Variants in CFAP44 observed in about 807,000 individuals in gnomAD.
The protein encoded by CFAP44 is cilia and flagella associated protein 44, also known as cilia- and flagella-associated protein 44.
A neutral mutation model predicts 216.2 loss-of-function variants in CFAP44; 134 were observed. The observed-to-expected ratio is 0.62, with a 90% CI of 0.54 to 0.72. The LOEUF is 0.72. Among genes scored for constraint, CFAP44 ranks in the 30% least tolerant of loss-of-function variants. The probability of loss-of-function intolerance (pLI) is 0.00; values close to 1 mark genes in which losing one functional copy is unlikely to be tolerated. For synonymous variants in CFAP44, 700 were observed against 727.6 expected, an observed-to-expected ratio of 0.96 and a Z score of 0.61; for missense variants, 2,035 against 2,182.1, an observed-to-expected ratio of 0.93 and a Z score of 1.34.
chr3:113,356,839 C>CA (rs1950496116), intron 22 of CFAP44, among the ~76,000 whole-genome samples: 2 of 152,056 alleles, frequency 1.3e-5, no homozygotes, highest in Admixed American at 6.6e-5. Flanking sequence ...TTCTATTCAA[C>CA]AAACAACTCT....
chr3:113,429,689 ATT>A (rs1437928843), intron 2 of CFAP44, among the ~76,000 whole-genome samples: 1 of 151,964 alleles, frequency 6.6e-6, no homozygotes, highest in Admixed American at 6.6e-5. Flanking sequence ...TTGATAAGTT[ATT>A]TTCTGTTTTT....
At chr3:113,362,695 C>T (rs1019413447) in intron 21 of CFAP44, among the ~76,000 whole-genome samples, 5 of 152,210 alleles carry the variant, frequency 3.3e-5, no homozygotes, top group Non-Finnish European at 1.5e-5. Context: ...ACATTTTTCA[C>T]ACAGTCTTCC....
chr3:113,378,487 C>T (rs1933414142), intron 17 of CFAP44, among the ~76,000 whole-genome samples: 1 of 152,116 alleles, frequency 6.6e-6, no homozygotes, highest in African/African-American at 2.4e-5. Flanking sequence ...ACACTCATCA[C>T]TCCTTACAGC....
intron 1 of CFAP44, 109 bp from the exon 2 acceptor site, chr3:113,433,778 C>A: frequency 1.1e-6 from 1 of 881,522 alleles, no homozygotes; most frequent in Non-Finnish European, 1.8e-6. Context: ...TGTCAATAAT[C>A]CTTGTTTGCA....
intron 20 of CFAP44, 72 bp downstream of exon 20, chr3:113,363,405 G>A: frequency 6.4e-7 from 1 of 1,572,316 alleles, no homozygotes. Flanking sequence ...ATTAAGCTTG[G>A]TCAACTTCTG....
intron 4 of CFAP44, among the ~76,000 whole-genome samples, chr3:113,420,955 T>C (rs1233600164): frequency 2.0e-5 from 3 of 152,120 alleles, no homozygotes; most frequent in African/African-American, 7.2e-5. Flanking sequence ...TTTGTGTGTA[T>C]GTATGCTATA....
chr3:113,415,744 T>C (rs988777906), intron 6 of CFAP44, among the ~76,000 whole-genome samples: 22 of 152,172 alleles, frequency 1.4e-4, no homozygotes, highest in African/African-American at 4.6e-4. Context: ...TGATTTCAAC[T>C]CTTATGCATT....
In CFAP44 at chr3:113,379,598, T is replaced by C. The variant is rs1291840586; in HGVS notation, c.2053-47A>G. ...AGGTATAAAAACAATTATGACTCAT[T>C]CGTTCATTTACACCATTAGGGATGA... On this transcript the variant is annotated intron_variant, in intron 16 of 34. Coordinates refer to ENST00000393845, the MANE Select transcript of CFAP44 (RefSeq NM_001164496.2). 2.8e-6 allele frequency: 4 copies of C among 1,441,594 alleles called. No homozygotes were observed. In the Admixed American group the frequency reaches 5.8e-5, roughly 21 times the overall value. The allele number at this position is 1,441,594 out of a possible 1,614,324, so 89.3% of individuals were successfully genotyped here. A position where few individuals can be genotyped will look rare whatever the true frequency, so the allele number is the denominator to read the frequency against.
In CFAP44 at chr3:113,316,996, G is replaced by T. The variant is rs184948085; in HGVS notation, c.4517-8728C>A. 1.2e-3 allele frequency among the ~76,000 whole-genome samples: 180 copies of T among 152,232 alleles called. 3 individuals are homozygous for T. Among genetic ancestry groups the T allele is most frequent in the Admixed American group, 0.011 (166 of 15,294 alleles). On this transcript the variant is annotated intron_variant, in intron 28 of 34. Transcript: ENST00000393845. Reference sequence around the variant, plus strand: ...ACCATAATTTAAAAATGTCTCCAGAGAGAAAATGCCAAGAGTGAATTGAGA... The same window carrying T: ...ACCATAATTTAAAAATGTCTCCAGATAGAAAATGCCAAGAGTGAATTGAGA...
At chr3:113,328,355 C>T (rs998147409) in intron 26 of CFAP44, among the ~76,000 whole-genome samples, 5 of 147,216 alleles carry the variant, frequency 3.4e-5, no homozygotes, top group Non-Finnish European at 3.0e-5. Flanking sequence ...TGATAAGAGC[C>T]GAAGTATCCC....
intron 22 of CFAP44, among the ~76,000 whole-genome samples, chr3:113,356,381 T>G (rs1227265015): frequency 6.6e-6 from 1 of 152,168 alleles, no homozygotes; most frequent in Non-Finnish European, 1.5e-5. Context: ...AATTGACAAG[T>G]TGATTCTATG....
intron 24 of CFAP44, among the ~76,000 whole-genome samples, chr3:113,336,260 T>C (rs1950281054): frequency 6.6e-6 from 1 of 152,058 alleles, no homozygotes; most frequent in South Asian, 2.1e-4. Flanking sequence ...AACAATATTT[T>C]AAAATCTATG....
In CFAP44 at chr3:113,326,425, T is replaced by C. The variant is rs202001075; in HGVS notation, c.4516+20A>G. 1.1e-3 allele frequency: 1,601 copies of C among 1,477,910 alleles called. No homozygotes were observed. Among genetic ancestry groups the C allele is most frequent in the Non-Finnish European group, 1.4e-3 (1,544 of 1,123,710 alleles). 91.5% of individuals were successfully genotyped at this position (1,477,910 alleles called of 1,614,324 possible). A position where few individuals can be genotyped will look rare whatever the true frequency, so the allele number is the denominator to read the frequency against. ...GTTAATGAGAGAAAATAAGATCATA[T>C]GCAAGAAAGAAATACAAACCAGCAT... is the stretch of plus-strand genomic sequence containing the variant. On this transcript the variant is annotated intron_variant, in intron 28 of 34. Transcript: ENST00000393845.
chr3:113,382,746 G>A (rs894220932), intron 15 of CFAP44, among the ~76,000 whole-genome samples: 3 of 152,180 alleles, frequency 2.0e-5, no homozygotes, highest in South Asian at 2.1e-4. Flanking sequence ...AAAGAGGGAC[G>A]AGGAGCAGGT....
chr3:113,405,987 T>C (rs1934266370), intron 8 of CFAP44, among the ~76,000 whole-genome samples: 1 of 152,222 alleles, frequency 6.6e-6, no homozygotes, highest in African/African-American at 2.4e-5. Flanking sequence ...TCCTTAAATA[T>C]TTGTGTGCTG....
chr3:113,383,659 C>T lies in CFAP44; in HGVS notation c.1891-2599G>A, dbSNP rs1576582491. Among the ~76,000 whole-genome samples, 6 of 152,008 alleles carry T rather than the reference C, an allele frequency of 3.9e-5. No individual in the cohort carries two copies. The South Asian group carries it at 8.3e-4, about 21-fold the overall frequency. On this transcript the variant is annotated intron_variant, in intron 15 of 34. Transcript: ENST00000393845. The stretch of plus-strand genomic sequence containing the variant: ...GTAAATGAAATACAGGTCTCTGTGT[C>T]GTGAAAGAACTACTTGGAGATAACA...
In CFAP44 at chr3:113,308,194, C is replaced by G. The variant is rs1950004623; in HGVS notation, c.4591G>C (p.Glu1531Gln). 6.5e-7 allele frequency: 1 copy of G among 1,536,040 alleles called. No individual in the cohort carries two copies. The highest frequency in any genetic ancestry group is 1.4e-5 in the African/African-American group (1 of 73,082). Residue 1531 changes from glutamate (E) to glutamine (Q), a missense_variant, in exon 29 of 35, where the codon GAA becomes CAA. Glu to Gln is a conservative substitution (Grantham distance 29). Around this residue, in one of 3 missense-constraint regions of CFAP44, gnomAD observed 1,883 missense variants for 2,023.7 expected, o/e 0.93. Transcript: ENST00000393845. ...LESDEDESES[E>Q]DEVFDDSICP... ...ATAGAATCATCAAAAACCTCATCTTCTGATTCAGACTCATCTTCATCACTC... is the reference window on the plus strand; with the variant it reads ...ATAGAATCATCAAAAACCTCATCTTGTGATTCAGACTCATCTTCATCACTC...
At chr3:113,421,536 CAT>C (rs1232056786) in intron 4 of CFAP44, among the ~76,000 whole-genome samples, 1 of 152,142 alleles carries the variant, frequency 6.6e-6, no homozygotes, top group African/African-American at 2.4e-5. Flanking sequence ...CACATGCACT[CAT>C]ATGTTTATCA....
chr3:113,434,438 A>G (rs1396652013), intron 1 of CFAP44: 2 of 152,216 alleles, frequency 1.3e-5, no homozygotes, highest in African/African-American at 4.8e-5. Context: ...GGTGGGTACC[A>G]TATCATAAAG....
Sources: gnomAD v4.1 joint callset for allele counts (sites outside exome capture counted in the v4.1 genomes callset) on GRCh38, gnomAD v4.1.1 for gene constraint, gnomAD v4.1.1 regional missense constraint, MANE v1.5 for transcripts, NCBI Gene and HGNC (gene_info 2026-07-23, HGNC 2026-07-21) for gene names.